Variants in BRD10 observed in about 807,000 individuals in gnomAD.
The protein encoded by BRD10 is bromodomain containing 10.
At chr9:5,912,960 A>G in the BRD10 span, among the ~76,000 whole-genome samples, 1 of 152,166 alleles carries the variant, frequency 6.6e-6, no homozygotes, top group Non-Finnish European at 1.5e-5. Context: ...GTTAGAGAGT[A>G]TTGTTTTATA....
the BRD10 span, among the ~76,000 whole-genome samples, chr9:5,929,392 T>C: frequency 6.6e-6 from 1 of 152,100 alleles, no homozygotes; most frequent in Admixed American, 6.6e-5. Context: ...AAGATAAAAA[T>C]TTTAAAAATG....
chr9:5,977,478 A>G, the BRD10 span, among the ~76,000 whole-genome samples: 1 of 152,166 alleles, frequency 6.6e-6, no homozygotes, highest in Non-Finnish European at 1.5e-5. Flanking sequence ...GAAGATCTCT[A>G]GAGTTAATAT....
chr9:5,905,381 T>C, the BRD10 span, among the ~76,000 whole-genome samples: 8 of 152,210 alleles, frequency 5.3e-5, no homozygotes, highest in African/African-American at 1.9e-4. Flanking sequence ...TAGGTACAAC[T>C]GACCAGCATT....
the BRD10 span, among the ~76,000 whole-genome samples, chr9:5,961,075 T>TAA: frequency 6.6e-6 from 1 of 152,202 alleles, no homozygotes; most frequent in Admixed American, 6.5e-5. Flanking sequence ...AATGTGTTCA[T>TAA]TTATTTGTTC....
chr9:5,956,820 GTCA>G, the BRD10 span, among the ~76,000 whole-genome samples: 2 of 152,038 alleles, frequency 1.3e-5, no homozygotes, highest in Non-Finnish European at 2.9e-5. Flanking sequence ...TCTTATGTTT[GTCA>G]TCCTTACTAT....
chr9:5,967,618 G>A, the BRD10 span, among the ~76,000 whole-genome samples: 1 of 148,854 alleles, frequency 6.7e-6, no homozygotes, highest in Admixed American at 6.7e-5. Flanking sequence ...GCAGCTAGTT[G>A]CTATGAACTT....
At chr9:5,981,086 T>C in the BRD10 span, among the ~76,000 whole-genome samples, 1 of 152,234 alleles carries the variant, frequency 6.6e-6, no homozygotes, top group Non-Finnish European at 1.5e-5. Context: ...ATTAGATTGT[T>C]TGCCTCTAGA....
At chr9:5,916,246 C>T in the BRD10 span, among the ~76,000 whole-genome samples, 1 of 152,182 alleles carries the variant, frequency 6.6e-6, no homozygotes, top group African/African-American at 2.4e-5. Context: ...AACTAAAATC[C>T]CTATCAAATT....
At chr9:5,975,274 A>G in the BRD10 span, among the ~76,000 whole-genome samples, 1 of 149,906 alleles carries the variant, frequency 6.7e-6, no homozygotes, top group Non-Finnish European at 1.5e-5. Flanking sequence ...TGTCTCTACT[A>G]AAAAAAAATA....
At chr9:5,896,269 C>T in the BRD10 span, among the ~76,000 whole-genome samples, 1 of 152,178 alleles carries the variant, frequency 6.6e-6, no homozygotes. Context: ...TGTGGGGGTG[C>T]CTAGCCCAGT....
the BRD10 span, among the ~76,000 whole-genome samples, chr9:5,904,953 A>G: frequency 2.6e-5 from 4 of 151,258 alleles, no homozygotes; most frequent in African/African-American, 9.7e-5. Flanking sequence ...TTTTGTATTT[A>G]TAGTAGAGAT....
the BRD10 span, chr9:5,954,029 A>G: frequency 6.4e-7 from 1 of 1,563,082 alleles, no homozygotes. Context: ...AAACTCTGGT[A>G]CAGTAGGTGA....
At chr9:5,954,119 C>T in the BRD10 span, 1 of 1,311,576 alleles carries the variant, frequency 7.6e-7, no homozygotes, top group Non-Finnish European at 1.1e-6. Flanking sequence ...AAGAGAAAAC[C>T]TTCATAATGC....
At chr9:5,989,540 AT>A in the BRD10 span, among the ~76,000 whole-genome samples, 8,214 of 137,882 alleles carry the variant, frequency 0.06, 620 homozygotes, top group African/African-American at 0.2. Flanking sequence ...TAAAATGTAA[AT>A]TTTTTTTTTT....
the BRD10 span, chr9:5,968,821 A>G: frequency 1.9e-6 from 3 of 1,613,920 alleles, no homozygotes; most frequent in East Asian, 2.2e-5. Flanking sequence ...GAAAATGTAC[A>G]TAAGCATTCT....
At chr9:5,999,836 A>G in the BRD10 span, among the ~76,000 whole-genome samples, 4,702 of 152,234 alleles carry the variant, frequency 0.031, 107 homozygotes, top group Middle Eastern at 0.065. Flanking sequence ...CTATCAAATA[A>G]TAAGCATTGT....
the BRD10 span, among the ~76,000 whole-genome samples, chr9:5,926,866 T>C: frequency 6.6e-6 from 1 of 152,220 alleles, no homozygotes; most frequent in Non-Finnish European, 1.5e-5. Context: ...TTTCTAAGCA[T>C]CAGTTTACTT....
At chr9:5,994,374 T>A in the BRD10 span, among the ~76,000 whole-genome samples, 1 of 152,194 alleles carries the variant, frequency 6.6e-6, no homozygotes, top group Non-Finnish European at 1.5e-5. Flanking sequence ...ACTGCTCTTA[T>A]CTGCAGCTAT....
chr9:5,940,147 A>G, the BRD10 span, among the ~76,000 whole-genome samples: 4 of 152,114 alleles, frequency 2.6e-5, no homozygotes, highest in African/African-American at 7.2e-5. Context: ...ATCTTTTTAC[A>G]TACTGTAATC....
Sources: gnomAD v4.1 joint callset for allele counts (sites outside exome capture counted in the v4.1 genomes callset) on GRCh38, gnomAD v4.1.1 for gene constraint, MANE v1.5 for transcripts, NCBI Gene and HGNC (gene_info 2026-07-23, HGNC 2026-07-21) for gene names.